The following STK3 variants were observed in gnomAD, a reference collection of about 807,000 sequenced individuals.
STK3 encodes serine/threonine-protein kinase 3.
STK3 carries 41 observed loss-of-function variants against 58.0 expected under a neutral mutation model. That is an observed-to-expected ratio of 0.71 (90% CI 0.55 to 0.92). STK3 has a LOEUF of 0.92. Ranked by LOEUF, STK3 falls within the 40% of genes least tolerant of loss-of-function variation. The pLI is 0.00. For synonymous variants in STK3, 170 were observed against 191.0 expected (o/e 0.89, Z 0.91); for missense variants, 479 against 602.7 (o/e 0.79, Z 2.15).
intron 1 of STK3, among the ~76,000 whole-genome samples, chr8:98,818,335 CAATT>C (rs1442719175): frequency 2.0e-5 from 3 of 152,084 alleles, no homozygotes; most frequent in Admixed American, 6.5e-5. Context: ...ATGTGGAAAA[CAATT>C]AATAATTACT....
chr8:98,596,836 C>T (rs539369256), intron 6 of STK3, among the ~76,000 whole-genome samples: 10 of 151,548 alleles, frequency 6.6e-5, no homozygotes, highest in Middle Eastern at 3.2e-3. Context: ...GTCACCCTGG[C>T]CTGTTTTTGC....
intron 4 of STK3, among the ~76,000 whole-genome samples, chr8:98,709,648 C>T (rs1030571983): frequency 6.6e-6 from 1 of 152,106 alleles, no homozygotes; most frequent in Non-Finnish European, 1.5e-5. Context: ...CATACAAAAT[C>T]GAACAATGCA....
At chr8:98,700,139 G>T (rs535288732) in intron 6 of STK3, among the ~76,000 whole-genome samples, 2 of 152,316 alleles carry the variant, frequency 1.3e-5, no homozygotes, top group South Asian at 4.1e-4. Context: ...AGCAATCAGC[G>T]AGACTCCGTG....
chr8:98,686,929 T>C (rs908309665), intron 6 of STK3, among the ~76,000 whole-genome samples: 3 of 152,132 alleles, frequency 2.0e-5, no homozygotes, highest in Admixed American at 6.5e-5. Context: ...TATGAGATTA[T>C]ATAAAATGAC....
chr8:98,694,669 AG>A (rs1320505445), intron 6 of STK3, among the ~76,000 whole-genome samples: 2 of 152,238 alleles, frequency 1.3e-5, no homozygotes, highest in Non-Finnish European at 2.9e-5. Context: ...GTCCCTACAA[AG>A]AACATGAACT....
chr8:98,622,605 A>C (rs1587061379), intron 6 of STK3, among the ~76,000 whole-genome samples: 1 of 152,244 alleles, frequency 6.6e-6, no homozygotes, highest in East Asian at 1.9e-4. Context: ...AAGAAGAACT[A>C]TATTAATACA....
intron 3 of STK3, among the ~76,000 whole-genome samples, chr8:98,760,859 G>C (rs1451932644): frequency 6.6e-6 from 1 of 150,972 alleles, no homozygotes; most frequent in African/African-American, 2.4e-5. Flanking sequence ...AAAATAGAAA[G>C]AGTATTAAAA....
chr8:98,533,181 T>G (rs902256110), intron 9 of STK3, among the ~76,000 whole-genome samples: 6 of 152,196 alleles, frequency 3.9e-5, no homozygotes, highest in African/African-American at 7.2e-5. Flanking sequence ...CCTATGAACA[T>G]GAGTATAGAA....
At chr8:98,430,101 A>C (rs970964495) in intron 3 of STK3, 3 of 167,010 alleles carry the variant, frequency 1.8e-5, no homozygotes, top group Admixed American at 1.3e-4. Context: ...AATGTTACTT[A>C]GTTAAACATG....
intron 1 of STK3, among the ~76,000 whole-genome samples, chr8:98,936,163 C>G (rs1380673735): frequency 2.6e-5 from 4 of 152,152 alleles, no homozygotes; most frequent in Non-Finnish European, 5.9e-5. Context: ...TGTGATCCAC[C>G]TACCTCAGCC....
At chr8:98,804,804 T>C (rs1433530252) in intron 1 of STK3, among the ~76,000 whole-genome samples, 3 of 152,296 alleles carry the variant, frequency 2.0e-5, no homozygotes, top group African/African-American at 7.2e-5. Context: ...TATTACATAA[T>C]AGTTGGTCTA....
intron 10 of STK3, among the ~76,000 whole-genome samples, chr8:98,468,735 T>C (rs62532753): frequency 0.027 from 4,121 of 152,318 alleles, 89 homozygotes; most frequent in Middle Eastern, 0.095. Context: ...TCTTCAACTT[T>C]CTGAATTGGG....
intron 1 of STK3, among the ~76,000 whole-genome samples, chr8:98,915,741 C>T (rs565191389): frequency 2.2e-4 from 34 of 152,078 alleles, no homozygotes; most frequent in African/African-American, 8.0e-4. Context: ...CATTCTGTCA[C>T]ACAGGGCACC....
chr8:98,407,227 G>T (rs1421800154), intron 3 of STK3, among the ~76,000 whole-genome samples: 1 of 152,228 alleles, frequency 6.6e-6, no homozygotes, highest in African/African-American at 2.4e-5. Flanking sequence ...CCAGGTGATG[G>T]CAAAGGTTGT....
At chr8:98,693,620 G>A (rs1044250967) in intron 6 of STK3, among the ~76,000 whole-genome samples, 1 of 152,128 alleles carries the variant, frequency 6.6e-6, no homozygotes, top group African/African-American at 2.4e-5. Context: ...GCTAAATGAA[G>A]ATACTCCTCT....
chr8:98,718,795 T>G (rs539603195), intron 4 of STK3, among the ~76,000 whole-genome samples: 1 of 152,096 alleles, frequency 6.6e-6, no homozygotes, highest in African/African-American at 2.4e-5. Context: ...TTGTTATTTA[T>G]TAATATGTGT....
At chr8:98,551,364 C>G (rs966447613) in intron 8 of STK3, among the ~76,000 whole-genome samples, 1 of 152,128 alleles carries the variant, frequency 6.6e-6, no homozygotes, top group African/African-American at 2.4e-5. Flanking sequence ...TCTTAGAGTA[C>G]CTCTGAATCC....
chr8:98,538,739 T>G (rs1292432195), intron 9 of STK3, among the ~76,000 whole-genome samples: 1 of 152,188 alleles, frequency 6.6e-6, no homozygotes, highest in Non-Finnish European at 1.5e-5. Context: ...TTGTGTGTGT[T>G]TTGTGCTAAT....
At chr8:98,811,597 A>T (rs1418174422) in intron 1 of STK3, among the ~76,000 whole-genome samples, 2 of 106,290 alleles carry the variant, frequency 1.9e-5, no homozygotes, top group East Asian at 2.5e-4. Context: ...GAATACTGTT[A>T]AAAAAAAAAA....
Sources: gnomAD v4.1 joint callset for allele counts (sites outside exome capture counted in the v4.1 genomes callset) on GRCh38, gnomAD v4.1.1 for gene constraint, MANE v1.5 for transcripts, NCBI Gene and HGNC (gene_info 2026-07-23, HGNC 2026-07-21) for gene names.